The following ZBTB20 variants were observed in gnomAD, a reference collection of about 807,000 sequenced individuals.
The protein encoded by ZBTB20 is zinc finger and BTB domain-containing protein 20.
ZBTB20 carries 9 observed loss-of-function variants against 56.9 expected under a neutral mutation model. The ratio of observed to expected loss-of-function variants is 0.16; its 90% CI spans 0.10 to 0.28. The LOEUF is 0.28. Ranked by LOEUF, ZBTB20 falls within the 10% of genes least tolerant of loss-of-function variation. The pLI is 1.00. For missense variants in ZBTB20, 655 were observed against 1,003.0 expected (o/e 0.65, Z 4.69); for synonymous variants, 417 against 420.7 (o/e 0.99, Z 0.11).
chr3:114,499,560 AC>A (rs1357076549), intron 7 of ZBTB20, among the ~76,000 whole-genome samples: 1 of 152,208 alleles, frequency 6.6e-6, no homozygotes, highest in Non-Finnish European at 1.5e-5. Flanking sequence ...GACTATCACT[AC>A]CTGTAGGATC....
intron 3 of ZBTB20, chr3:114,930,499 C>T (rs1021668347): frequency 1.3e-5 from 2 of 154,524 alleles, no homozygotes; most frequent in Non-Finnish European, 2.9e-5. Flanking sequence ...TTACAGTCAC[C>T]CCAGAAGGAG....
At chr3:114,944,357 T>C (rs2076818118) in intron 3 of ZBTB20, among the ~76,000 whole-genome samples, 1 of 145,366 alleles carries the variant, frequency 6.9e-6, no homozygotes, top group Non-Finnish European at 1.5e-5. Context: ...TTGGAGAAAA[T>C]GAAACTCTCA....
At chr3:114,809,576 C>T (rs922033802) in intron 4 of ZBTB20, among the ~76,000 whole-genome samples, 1 of 151,956 alleles carries the variant, frequency 6.6e-6, no homozygotes, top group African/African-American at 2.4e-5. Context: ...TATAGTAATA[C>T]TTTAATTATT....
chr3:114,617,941 C>T (rs546765815), intron 6 of ZBTB20, among the ~76,000 whole-genome samples: 2 of 145,178 alleles, frequency 1.4e-5, no homozygotes, highest in East Asian at 3.9e-4. Flanking sequence ...CACAAACACA[C>T]ATGTATACAC....
intron 5 of ZBTB20, among the ~76,000 whole-genome samples, chr3:114,701,627 T>G (rs2063390810): frequency 6.6e-6 from 1 of 152,174 alleles, no homozygotes; most frequent in African/African-American, 2.4e-5. Context: ...CTAACCTGCG[T>G]AAGGAAACAG....
rs373178442 is a variant in ZBTB20 at position 115,039,374 on chromosome 3, T to C, written c.-507+31845A>G. Reference sequence around the variant, plus strand: ...AAATGTTTGAAAACTTCAAATGAGATTACTCTGTATGTTCCCAAGGCATAT... The same window carrying C: ...AAATGTTTGAAAACTTCAAATGAGACTACTCTGTATGTTCCCAAGGCATAT... On this transcript the variant is annotated intron_variant, in intron 2 of 11. Transcript: ENST00000675478. 3.7e-4 allele frequency among the ~76,000 whole-genome samples: 56 copies of C among 152,154 alleles called. No individual in the cohort carries two copies. In the East Asian group the frequency reaches 6.6e-3, roughly 18 times the overall value.
chr3:115,115,262 C>T (rs2083987537), intron 1 of ZBTB20, among the ~76,000 whole-genome samples: 1 of 152,138 alleles, frequency 6.6e-6, no homozygotes, highest in South Asian at 2.1e-4. Context: ...TAACCTGCCT[C>T]GGCAAGCTTT....
At chr3:114,736,037 T>C (rs1166600322) in intron 5 of ZBTB20, among the ~76,000 whole-genome samples, 1 of 152,204 alleles carries the variant, frequency 6.6e-6, no homozygotes, top group Non-Finnish European at 1.5e-5. Context: ...GAATTATTTA[T>C]GTATTTGTTT....
intron 5 of ZBTB20, among the ~76,000 whole-genome samples, chr3:114,761,345 T>C (rs1172425897): frequency 6.6e-6 from 1 of 152,084 alleles, no homozygotes; most frequent in Non-Finnish European, 1.5e-5. Context: ...CTCATTTAAT[T>C]CCCACAGTAA....
At chr3:114,722,708 C>T (rs899658383) in intron 5 of ZBTB20, among the ~76,000 whole-genome samples, 1 of 152,192 alleles carries the variant, frequency 6.6e-6, no homozygotes, top group African/African-American at 2.4e-5. Context: ...ACACTCTCTT[C>T]CATCCTTTTC....
chr3:114,753,432 T>TATATATATATATATACAC (rs1205435166), intron 5 of ZBTB20, among the ~76,000 whole-genome samples: 6 of 43,528 alleles, frequency 1.4e-4, no homozygotes, highest in African/African-American at 3.9e-4. Flanking sequence ...TATATATATA[T>TATATATATATATATACAC]ACACACACAC....
intron 3 of ZBTB20, among the ~76,000 whole-genome samples, chr3:114,921,597 A>T (rs1446779062): frequency 6.6e-6 from 1 of 151,710 alleles, no homozygotes. Flanking sequence ...ATACACCATC[A>T]GCAAGCTATC....
intron 1 of ZBTB20, among the ~76,000 whole-genome samples, chr3:115,119,686 T>C (rs1409387291): frequency 1.3e-5 from 2 of 152,198 alleles, no homozygotes; most frequent in Non-Finnish European, 2.9e-5. Context: ...TTCTATTTTA[T>C]CTAAATACCA....
chr3:114,376,429 A>G (rs971771291), intron 10 of ZBTB20, among the ~76,000 whole-genome samples: 4 of 152,224 alleles, frequency 2.6e-5, no homozygotes, highest in African/African-American at 9.6e-5. Flanking sequence ...TGTGGCATTA[A>G]TGGAGTTTGC....
chr3:114,631,495 C>T (rs747089253), intron 6 of ZBTB20, among the ~76,000 whole-genome samples: 1 of 134,044 alleles, frequency 7.5e-6, no homozygotes, highest in Non-Finnish European at 1.5e-5. Flanking sequence ...CGGGTTCAAG[C>T]AATTCTCCTG....
chr3:114,615,590 G>T (rs1021915804), intron 6 of ZBTB20, among the ~76,000 whole-genome samples: 1 of 152,188 alleles, frequency 6.6e-6, no homozygotes, highest in Non-Finnish European at 1.5e-5. Flanking sequence ...CCTGTACTCT[G>T]AACTTTGTTG....
At chr3:115,066,891 A>G (rs1312522423) in intron 2 of ZBTB20, among the ~76,000 whole-genome samples, 3 of 152,278 alleles carry the variant, frequency 2.0e-5, no homozygotes, top group African/African-American at 7.2e-5. Flanking sequence ...AAAACCAGTT[A>G]AAACCATTTA....
intron 4 of ZBTB20, among the ~76,000 whole-genome samples, chr3:114,826,354 C>T (rs902254878): frequency 3.3e-5 from 5 of 151,618 alleles, no homozygotes; most frequent in African/African-American, 9.7e-5. Flanking sequence ...TCTCCCCCCA[C>T]AAAATTTAAT....
chr3:114,660,786 C>A (rs2060677673), intron 6 of ZBTB20, among the ~76,000 whole-genome samples: 1 of 151,774 alleles, frequency 6.6e-6, no homozygotes, highest in Admixed American at 6.6e-5. Flanking sequence ...TTCAATAGTA[C>A]CCTCTTCTTA....
Sources: allele counts gnomAD v4.1 joint callset (sites outside exome capture counted in the v4.1 genomes callset), GRCh38; gene constraint gnomAD v4.1.1; transcripts MANE v1.5; gene names NCBI Gene and HGNC (gene_info 2026-07-23, HGNC 2026-07-21).